The following LRRTM4 variants were observed in gnomAD, a reference collection of about 807,000 sequenced individuals.
LRRTM4 encodes leucine-rich repeat transmembrane neuronal protein 4.
LRRTM4 carries 25 observed loss-of-function variants against 47.6 expected under a neutral mutation model. That is an observed-to-expected ratio of 0.53 (90% confidence interval 0.38 to 0.73). LRRTM4 has a LOEUF of 0.73. Ranked by LOEUF, LRRTM4 falls within the 30% of genes least tolerant of loss-of-function variation. The probability of loss-of-function intolerance (pLI) is 0.00; values close to 1 mark genes in which losing one functional copy is unlikely to be tolerated. For synonymous variants in LRRTM4, 311 were observed against 269.5 expected (o/e 1.15, Z -1.51); for missense variants, 638 against 713.4 (o/e 0.89, Z 1.20).
At chr2:77,014,683 G>A (rs1232298690) in intron 3 of LRRTM4, among the ~76,000 whole-genome samples, 1 of 151,720 alleles carries the variant, frequency 6.6e-6, no homozygotes, top group East Asian at 1.9e-4. Context: ...GTGGTGGTGG[G>A]CGCCTGTAAT....
intron 3 of LRRTM4, among the ~76,000 whole-genome samples, chr2:77,046,495 A>G (rs961575259): frequency 6.6e-6 from 1 of 151,988 alleles, no homozygotes; most frequent in African/African-American, 2.4e-5. Context: ...GTTGCCACAG[A>G]ATCTTGGCAG....
chr2:77,278,011 G>T (rs1168903139), intron 3 of LRRTM4, among the ~76,000 whole-genome samples: 1 of 151,872 alleles, frequency 6.6e-6, no homozygotes, highest in Non-Finnish European at 1.5e-5. Flanking sequence ...TCCCCCAGAA[G>T]AACTGCTGCT....
intron 3 of LRRTM4, among the ~76,000 whole-genome samples, chr2:76,789,813 A>AT (rs1674875971): frequency 6.6e-6 from 1 of 151,920 alleles, no homozygotes; most frequent in African/African-American, 2.4e-5. Context: ...CCATTTTATT[A>AT]TTTTTTCCAT....
chr2:77,067,087 A>G (rs1233824154), intron 3 of LRRTM4, among the ~76,000 whole-genome samples: 1 of 152,224 alleles, frequency 6.6e-6, no homozygotes, highest in East Asian at 1.9e-4. Flanking sequence ...AGAACTGGAG[A>G]TAAGTCTACT....
rs576833876 is a variant in LRRTM4 at position 77,481,893 on chromosome 2, T to A, written c.1551+36425A>T. ...GTTTTTTTTTTTCTTTTTTTTTTTT[T>A]AAAACTTCTAGTTATTTTAGGACCT... On this transcript the variant is annotated intron_variant, in intron 3 of 3. Coordinates refer to ENST00000409884, the MANE Select transcript of LRRTM4 (RefSeq NM_001134745.3). 2.7e-3 allele frequency among the ~76,000 whole-genome samples: 336 copies of A among 125,370 alleles called. 1 individual carries two copies. The highest frequency in any genetic ancestry group is 4.0e-3 in the Non-Finnish European group (228 of 57,540). The allele number at this position is 125,370 out of a possible 152,430, so 82.2% of individuals were successfully genotyped here.
intron 3 of LRRTM4, among the ~76,000 whole-genome samples, chr2:77,511,932 T>G (rs997973382): frequency 6.6e-6 from 1 of 152,024 alleles, no homozygotes; most frequent in African/African-American, 2.4e-5. Flanking sequence ...AAACTTAAGG[T>G]GTTAGCTTTC....
chr2:76,879,047 G>A (rs917573486), intron 3 of LRRTM4, among the ~76,000 whole-genome samples: 1 of 152,166 alleles, frequency 6.6e-6, no homozygotes, highest in Non-Finnish European at 1.5e-5. Flanking sequence ...GCTAGCAGAG[G>A]CTGGTTCAAA....
chr2:76,994,642 A>G (rs966065994), intron 3 of LRRTM4, among the ~76,000 whole-genome samples: 2 of 151,992 alleles, frequency 1.3e-5, no homozygotes, highest in African/African-American at 4.8e-5. Context: ...ACTATAAGAA[A>G]TATTATGAAA....
intron 3 of LRRTM4, among the ~76,000 whole-genome samples, chr2:77,051,674 T>G (rs1380360383): frequency 6.6e-6 from 1 of 152,204 alleles, no homozygotes; most frequent in Non-Finnish European, 1.5e-5. Flanking sequence ...CAGCAAACTT[T>G]TAAAAGTCCC....
intron 3 of LRRTM4, among the ~76,000 whole-genome samples, chr2:77,307,205 A>AT: frequency 1.3e-5 from 2 of 151,796 alleles, no homozygotes; most frequent in Non-Finnish European, 2.9e-5. Flanking sequence ...CGGCCCCCAT[A>AT]TTTTTGTAGT....
chr2:77,225,450 T>C (rs74812762), intron 3 of LRRTM4, among the ~76,000 whole-genome samples: 2,795 of 151,374 alleles, frequency 0.018, 74 homozygotes, highest in African/African-American at 0.064. Flanking sequence ...CTGATGTTGG[T>C]AAAGTGCTTG....
chr2:76,776,083 G>A lies in LRRTM4; in HGVS notation c.1552-27167C>T, dbSNP rs1158386221. Among the ~76,000 whole-genome samples, 6 of 152,086 alleles carry A rather than the reference G, an allele frequency of 3.9e-5. No individual in the cohort carries two copies. The East Asian group carries it at 7.7e-4, about 20-fold the overall frequency. On this transcript the variant is annotated intron_variant, in intron 3 of 3. Transcript: ENST00000409884. ...TCATCCATGTCCCTACAAAGGACAT[G>A]AACTCATCATTTTTTATGGCTGCAT... is the stretch of plus-strand genomic sequence containing the variant.
chr2:77,067,310 G>T (rs1010502060), intron 3 of LRRTM4, among the ~76,000 whole-genome samples: 5 of 152,032 alleles, frequency 3.3e-5, no homozygotes, highest in African/African-American at 1.2e-4. Context: ...TAAATTACAG[G>T]TGAGATAAAA....
intron 3 of LRRTM4, among the ~76,000 whole-genome samples, chr2:76,993,708 G>A (rs759012620): frequency 6.6e-6 from 1 of 151,862 alleles, no homozygotes; most frequent in Admixed American, 6.6e-5. Flanking sequence ...ATTTCTCAAA[G>A]AAGTAAAAAT....
chr2:76,769,553 C>G (rs1450138491), intron 3 of LRRTM4, among the ~76,000 whole-genome samples: 1 of 151,528 alleles, frequency 6.6e-6, no homozygotes, highest in African/African-American at 2.4e-5. Context: ...ATAACGAAAA[C>G]AATAATATGG....
intron 3 of LRRTM4, among the ~76,000 whole-genome samples, chr2:77,162,908 G>A (rs1444335634): frequency 6.6e-6 from 1 of 152,138 alleles, no homozygotes; most frequent in Non-Finnish European, 1.5e-5. Flanking sequence ...AAAAATCAGA[G>A]CACCTCTTCT....
At chr2:76,824,506 C>A (rs555881106) in intron 3 of LRRTM4, among the ~76,000 whole-genome samples, 1 of 150,842 alleles carries the variant, frequency 6.6e-6, no homozygotes, top group South Asian at 2.1e-4. Flanking sequence ...CAGCAGGCTA[C>A]TTTATTTTGA....
At chr2:77,104,456 G>A (rs1240708269) in intron 3 of LRRTM4, among the ~76,000 whole-genome samples, 1 of 152,216 alleles carries the variant, frequency 6.6e-6, no homozygotes, top group African/African-American at 2.4e-5. Context: ...TTTGAAGGCA[G>A]TGGTGATATA....
At chr2:76,820,963 T>G (rs1454881949) in intron 3 of LRRTM4, among the ~76,000 whole-genome samples, 2 of 151,760 alleles carry the variant, frequency 1.3e-5, no homozygotes, top group African/African-American at 4.8e-5. Context: ...CTGAAATTCT[T>G]TTTTTGCATT....
Sources: allele counts gnomAD v4.1 joint callset (sites outside exome capture counted in the v4.1 genomes callset), GRCh38; gene constraint gnomAD v4.1.1; transcripts MANE v1.5; gene names NCBI Gene and HGNC (gene_info 2026-07-23, HGNC 2026-07-21).